XPO6: variants seen among roughly 807,000 people sequenced by gnomAD.
XPO6 encodes the protein exportin 6, also known as exportin-6.
A neutral mutation model predicts 130.0 loss-of-function variants in XPO6; 3 were observed. The ratio of observed to expected loss-of-function variants is 0.02; its 90% CI spans 0.01 to 0.06. XPO6 has a LOEUF of 0.06. XPO6 is among the 10% of genes least tolerant of loss of function. The probability of loss-of-function intolerance (pLI) is 1.00; values close to 1 mark genes in which losing one functional copy is unlikely to be tolerated. For missense variants in XPO6, 970 were observed against 1,393.0 expected (o/e 0.70, Z 4.83); for synonymous variants, 524 against 548.9 (o/e 0.95, Z 0.63).
At chr16:28,155,800 C>A (rs2043174625) in intron 7 of XPO6, 2 of 625,774 alleles carry the variant, frequency 3.2e-6, no homozygotes, top group Non-Finnish European at 4.5e-6. Context: ...GAAAAGGGGG[C>A]AAGAGGAGTA....
At chr16:28,142,514 T>C (rs2042912368) in intron 9 of XPO6, among the ~76,000 whole-genome samples, 1 of 152,188 alleles carries the variant, frequency 6.6e-6, no homozygotes, top group Non-Finnish European at 1.5e-5. Flanking sequence ...CCCCAGACGG[T>C]GGTTACTATT....
At position 28,211,519 on chromosome 16, in the gene XPO6, T is replaced by C. The variant is rs2044131983; in HGVS notation, c.-151A>G. 2.1e-6 allele frequency: 2 copies of C among 936,658 alleles called. No homozygotes were observed. 58.0% of individuals were successfully genotyped at this position (936,658 alleles called of 1,614,324 possible). ...TCCCCACCGGGCCCCGAGGGGACCC[T>C]CTAAAAAGGGCAGGGCCGCCCGGGT... On this transcript the variant is annotated 5_prime_UTR_variant, in exon 1 of 24. Coordinates refer to ENST00000304658, the MANE Select transcript of XPO6 (RefSeq NM_015171.4).
At chr16:28,124,406 A>G (rs1256295384) in intron 13 of XPO6, among the ~76,000 whole-genome samples, 1 of 152,232 alleles carries the variant, frequency 6.6e-6, no homozygotes, top group African/African-American at 2.4e-5. Context: ...GTAAGTTCAA[A>G]TAATGGACTT....
intron 9 of XPO6, among the ~76,000 whole-genome samples, chr16:28,140,676 CAAA>C (rs869289553): frequency 3.7e-5 from 3 of 80,970 alleles, no homozygotes; most frequent in African/African-American, 4.5e-5. Context: ...GACCCCGTCT[CAAA>C]AAAAAAAAAA....
chr16:28,151,765 C>T (rs555656798), intron 8 of XPO6, among the ~76,000 whole-genome samples: 3 of 152,316 alleles, frequency 2.0e-5, no homozygotes, highest in East Asian at 3.9e-4. Context: ...CGGTAGCTCA[C>T]GCCTGTAACA....
At chr16:28,117,581 C>T (rs1159405157) in intron 14 of XPO6, 119 bp from the exon 15 acceptor site, 8 of 1,200,394 alleles carry the variant, frequency 6.7e-6, no homozygotes. Flanking sequence ...AAGACATGGG[C>T]AACAGCATAG....
At chr16:28,173,827 G>A (rs1352777001) in intron 4 of XPO6, among the ~76,000 whole-genome samples, 2 of 152,180 alleles carry the variant, frequency 1.3e-5, no homozygotes, top group African/African-American at 4.8e-5. Flanking sequence ...TCCATCTTTT[G>A]TTACAAATAA....
chr16:28,174,261 A>G (rs1226477600), intron 4 of XPO6, among the ~76,000 whole-genome samples: 7 of 151,986 alleles, frequency 4.6e-5, no homozygotes, highest in Admixed American at 4.6e-4. Flanking sequence ...CTAGATACCC[A>G]CGTGGTGCAC....
intron 4 of XPO6, among the ~76,000 whole-genome samples, chr16:28,174,124 G>A (rs1417742310): frequency 6.6e-6 from 1 of 152,178 alleles, no homozygotes. Context: ...TTGAAGGCAA[G>A]TGTATTGGAC....
chr16:28,191,850 C>T (rs1250404758), intron 1 of XPO6, among the ~76,000 whole-genome samples: 1 of 152,244 alleles, frequency 6.6e-6, no homozygotes, highest in African/African-American at 2.4e-5. Flanking sequence ...AACGCTACTG[C>T]TCAGGTGAGT....
chr16:28,190,962 T>A (rs1352439359), intron 1 of XPO6, among the ~76,000 whole-genome samples: 1 of 152,180 alleles, frequency 6.6e-6, no homozygotes, highest in Non-Finnish European at 1.5e-5. Context: ...GTATGAGAGA[T>A]CTTTGTATAA....
At chr16:28,203,288 A>C (rs2043979905) in intron 1 of XPO6, among the ~76,000 whole-genome samples, 1 of 152,076 alleles carries the variant, frequency 6.6e-6, no homozygotes, top group African/African-American at 2.4e-5. Context: ...AAAAAAAAAA[A>C]AAAAGTCAGT....
At position 28,098,472 on chromosome 16, in the gene XPO6, G is replaced by A; in HGVS notation, c.*66C>T. 7.1e-7 allele frequency: 1 copy of A among 1,415,844 alleles called. No homozygotes were observed. Among genetic ancestry groups the A allele is most frequent in the East Asian group, 2.3e-5 (1 of 42,852 alleles). The allele number at this position is 1,415,844 out of a possible 1,614,324, so 87.7% of individuals were successfully genotyped here. ...ACCAAGGCCCATCTGGGAGACATCT[G>A]TGGTGGAAGGTAGGGCTGGCGCAGG... On this transcript the variant is annotated 3_prime_UTR_variant, in exon 24 of 24. Coordinates refer to ENST00000304658, the MANE Select transcript of XPO6 (RefSeq NM_015171.4).
intron 1 of XPO6, among the ~76,000 whole-genome samples, chr16:28,181,524 T>G (rs546440310): frequency 1.1e-4 from 17 of 151,564 alleles, no homozygotes; most frequent in African/African-American, 4.1e-4. Flanking sequence ...AGTGGTTTTT[T>G]TTTTTTTAAG....
At chr16:28,131,874 G>A (rs953926782) in intron 12 of XPO6, among the ~76,000 whole-genome samples, 47 of 152,210 alleles carry the variant, frequency 3.1e-4, no homozygotes, top group African/African-American at 1.1e-3. Flanking sequence ...GCAGCCAAAA[G>A]CCTTTTCAAC....
intron 6 of XPO6, among the ~76,000 whole-genome samples, chr16:28,165,063 A>C (rs994437285): frequency 7.2e-5 from 11 of 152,118 alleles, no homozygotes; most frequent in African/African-American, 2.7e-4. Context: ...CAAAAAATAC[A>C]AAAATTAGCC....
At chr16:28,177,161 A>G in intron 3 of XPO6, 59 bp downstream of exon 3, 4 of 1,169,560 alleles carry the variant, frequency 3.4e-6, no homozygotes, top group Non-Finnish European at 4.9e-6. Flanking sequence ...AGTGCTAATG[A>G]TATGGCAATA....
At chr16:28,126,007 A>G (rs1402951415) in intron 12 of XPO6, among the ~76,000 whole-genome samples, 159 bp from the exon 13 acceptor site, 2 of 152,210 alleles carry the variant, frequency 1.3e-5, no homozygotes, top group African/African-American at 4.8e-5. Context: ...TGAGCAGGGA[A>G]ACTGGGCCCG....
chr16:28,114,997 G>T (rs915668353), intron 15 of XPO6, among the ~76,000 whole-genome samples: 1 of 152,194 alleles, frequency 6.6e-6, no homozygotes, highest in Non-Finnish European at 1.5e-5. Flanking sequence ...TCCTGAGATT[G>T]CAGCAATTCC....
Sources: allele counts gnomAD v4.1 joint callset (sites outside exome capture counted in the v4.1 genomes callset), GRCh38; gene constraint gnomAD v4.1.1; transcripts MANE v1.5; gene names NCBI Gene and HGNC (gene_info 2026-07-23, HGNC 2026-07-21).